Variants in CAPZB observed in about 807,000 individuals in gnomAD.
CAPZB encodes the protein capping actin protein of muscle Z-line subunit beta, also known as F-actin-capping protein subunit beta.
A neutral mutation model predicts 38.1 loss-of-function variants in CAPZB; 2 were observed. The observed-to-expected ratio is 0.05, with a 90% CI of 0.02 to 0.17. CAPZB has a LOEUF of 0.17. Among genes scored for constraint, CAPZB ranks in the 10% least tolerant of loss-of-function variants. The pLI is 1.00. For missense variants in CAPZB, 161 were observed against 334.2 expected (o/e 0.48, Z 4.04); for synonymous variants, 107 against 127.4 (o/e 0.84, Z 1.08).
intron 6 of CAPZB, among the ~76,000 whole-genome samples, chr1:19,354,563 C>T (rs1170335864): frequency 6.6e-6 from 1 of 152,202 alleles, no homozygotes; most frequent in African/African-American, 2.4e-5. Context: ...GAGCAAAAGG[C>T]AACGCAAACA....
At chr1:19,342,640 G>T in intron 8 of CAPZB, 1 of 698,690 alleles carries the variant, frequency 1.4e-6, no homozygotes. Context: ...GCACACGTGG[G>T]GGTTAGTGGT....
At chr1:19,419,576 G>T in intron 2 of CAPZB, 85 bp downstream of exon 2, 2 of 782,048 alleles carry the variant, frequency 2.6e-6, no homozygotes, top group Non-Finnish European at 4.4e-6. Flanking sequence ...TTCCTGTGTT[G>T]TGAATTCTGC....
intron 2 of CAPZB, among the ~76,000 whole-genome samples, chr1:19,418,380 C>A (rs924584873): frequency 1.3e-5 from 2 of 152,092 alleles, no homozygotes; most frequent in Non-Finnish European, 2.9e-5. Flanking sequence ...GGCCGGGGAC[C>A]CCTGATCCTG....
intron 2 of CAPZB, among the ~76,000 whole-genome samples, chr1:19,396,305 T>C (rs1011345383): frequency 1.3e-5 from 2 of 152,168 alleles, no homozygotes; most frequent in African/African-American, 4.8e-5. Flanking sequence ...TTCTGATCTT[T>C]TGAAGCCCAA....
At chr1:19,454,594 G>A (rs3861822) in intron 1 of CAPZB, among the ~76,000 whole-genome samples, 47,413 of 151,848 alleles carry the variant, frequency 0.31, 7,521 homozygotes, top group Admixed American at 0.34. Flanking sequence ...TGTGGAAACC[G>A]AGGCTCAGTG....
intron 2 of CAPZB, among the ~76,000 whole-genome samples, chr1:19,418,570 TTA>T (rs2094389923): frequency 6.6e-6 from 1 of 152,164 alleles, no homozygotes. Context: ...ACTTCCTGAA[TTA>T]CTATGAATGA....
intron 1 of CAPZB, among the ~76,000 whole-genome samples, chr1:19,447,386 ATTTTTTTTTTT>A (rs61113781): frequency 8.7e-6 from 1 of 115,226 alleles, no homozygotes; most frequent in Non-Finnish European, 1.7e-5. Context: ...CATCCAGCTA[ATTTTTTTTTTT>A]TTTTTTTTTG....
At chr1:19,438,641 C>T (rs915957051) in intron 1 of CAPZB, among the ~76,000 whole-genome samples, 2 of 152,188 alleles carry the variant, frequency 1.3e-5, no homozygotes, top group Admixed American at 1.3e-4. Flanking sequence ...CGCTTAAGCG[C>T]GGGGCCAGAT....
intron 1 of CAPZB, among the ~76,000 whole-genome samples, chr1:19,478,593 C>T (rs534137482): frequency 2.4e-4 from 36 of 152,332 alleles, no homozygotes; most frequent in African/African-American, 8.7e-4. Flanking sequence ...CGCAGGCAAG[C>T]AGCCTCCCTG....
intron 1 of CAPZB, among the ~76,000 whole-genome samples, chr1:19,450,130 C>T (rs1334453822): frequency 1.1e-5 from 1 of 89,766 alleles, no homozygotes; most frequent in African/African-American, 4.4e-5. Context: ...GGCAACAGAG[C>T]AAGACCCTGT....
intron 1 of CAPZB, among the ~76,000 whole-genome samples, chr1:19,470,343 T>C (rs559771209): frequency 6.6e-6 from 1 of 152,320 alleles, no homozygotes; most frequent in African/African-American, 2.4e-5. Flanking sequence ...CCCATAAACA[T>C]GAGCTACAGA....
At chr1:19,422,056 A>C (rs2094403319) in intron 1 of CAPZB, among the ~76,000 whole-genome samples, 1 of 152,158 alleles carries the variant, frequency 6.6e-6, no homozygotes, top group African/African-American at 2.4e-5. Flanking sequence ...TCTCTTGGCC[A>C]AGCAAGAATA....
chr1:19,446,722 T>C (rs1157660921), intron 1 of CAPZB, among the ~76,000 whole-genome samples: 1 of 152,218 alleles, frequency 6.6e-6, no homozygotes, highest in Admixed American at 6.5e-5. Context: ...GGGAAAATGT[T>C]TTATGTTTAA....
At position 19,339,199 on chromosome 1, in the gene CAPZB, G is replaced by T; in HGVS notation, c.*331C>A. ...TTTACACCAATGTACCAAAAAGGTG[G>T]GAGGGAAGGGAGGCTGGCAGACAGT... On this transcript the variant is annotated 3_prime_UTR_variant, in exon 9 of 9. Coordinates refer to ENST00000264202, the MANE Select transcript of CAPZB (RefSeq NM_004930.5). 3.0e-6 allele frequency: 1 copy of T among 334,076 alleles called. No homozygotes were observed. The highest frequency in any genetic ancestry group is 5.8e-5 in the East Asian group (1 of 17,160). 20.7% of individuals were successfully genotyped at this position (334,076 alleles called of 1,614,324 possible).
Position 19,467,374 on chromosome 1 carries a change from GAGGA to G in CAPZB, c.3+18058_3+18061del, listed in dbSNP as rs2094572416. Among the ~76,000 whole-genome samples the G allele has an allele frequency of 2.6e-5, 4 of 152,314 alleles. No homozygotes were observed. In the South Asian group the frequency reaches 8.3e-4, roughly 32 times the overall value. On this transcript the variant is annotated intron_variant, in intron 1 of 8. Coordinates refer to ENST00000264202, the MANE Select transcript of CAPZB (RefSeq NM_004930.5). ...ACAGAAGGGAGAAGGGAGGCAAAGA[GAGGA>G]ACAGTCCCCTCCAGCGGCTCAGCTC...
At chr1:19,377,087 A>G (rs1241365796) in intron 4 of CAPZB, among the ~76,000 whole-genome samples, 1 of 152,230 alleles carries the variant, frequency 6.6e-6, no homozygotes, top group Non-Finnish European at 1.5e-5. Flanking sequence ...CTTTAATATT[A>G]AACCAATTCT....
At chr1:19,461,001 CCT>C (rs2094549690) in intron 1 of CAPZB, among the ~76,000 whole-genome samples, 1 of 151,798 alleles carries the variant, frequency 6.6e-6, no homozygotes, top group South Asian at 2.1e-4. Context: ...GCTCAGCCTC[CCT>C]CTCTCAAGGC....
At position 19,449,170 on chromosome 1, in the gene CAPZB, G is replaced by A. The variant is rs1319028554; in HGVS notation, c.4-29420C>T. On this transcript the variant is annotated intron_variant, in intron 1 of 8. Coordinates refer to ENST00000264202, the MANE Select transcript of CAPZB (RefSeq NM_004930.5). ...CTGTAAGGCTGATAACGCACAAAGT[G>A]CACTGCGGTGTCTCTGAGCAGGCCT... is the stretch of plus-strand genomic sequence containing the variant. The A allele has an allele frequency of 2.3e-6, 3 of 1,297,726 alleles. No individual in the cohort carries two copies. The African/African-American group carries it at 4.5e-5, about 19-fold the overall frequency. The allele number at this position is 1,297,726 out of a possible 1,614,324, so 80.4% of individuals were successfully genotyped here. A position where few individuals can be genotyped will look rare whatever the true frequency, so the allele number is the denominator to read the frequency against.
intron 4 of CAPZB, among the ~76,000 whole-genome samples, chr1:19,372,375 A>G (rs1416458938): frequency 6.6e-6 from 1 of 152,248 alleles, no homozygotes; most frequent in Non-Finnish European, 1.5e-5. Flanking sequence ...CTTTGGAAGA[A>G]GGCAGTGCCA....
Sources: allele counts gnomAD v4.1 joint callset (sites outside exome capture counted in the v4.1 genomes callset), GRCh38; gene constraint gnomAD v4.1.1; transcripts MANE v1.5; gene names NCBI Gene and HGNC (gene_info 2026-07-23, HGNC 2026-07-21).